MYO16: variants seen among roughly 807,000 people sequenced by gnomAD.
MYO16 encodes the protein unconventional myosin-XVI.
A neutral mutation model predicts 205.3 loss-of-function variants in MYO16; 94 were observed. The observed-to-expected ratio is 0.46, with a 90% CI of 0.39 to 0.54. The LOEUF (loss-of-function observed/expected upper bound fraction) is 0.54, where lower values mean the gene tolerates loss of function less well. Among genes scored for constraint, MYO16 ranks in the 20% least tolerant of loss-of-function variants. The pLI is 0.00. For missense variants in MYO16, 2,315 were observed against 2,387.5 expected (o/e 0.97, Z 0.63); for synonymous variants, 988 against 954.0 (o/e 1.04, Z -0.66).
intron 31 of MYO16, among the ~76,000 whole-genome samples, chr13:109,132,076 G>A (rs1489981295): frequency 1.3e-5 from 2 of 152,142 alleles, no homozygotes; most frequent in Non-Finnish European, 2.9e-5. Context: ...TGTTAATGAA[G>A]CCTCTGACAG....
chr13:109,136,747 T>C (rs1173522266), intron 31 of MYO16, among the ~76,000 whole-genome samples: 1 of 152,220 alleles, frequency 6.6e-6, no homozygotes, highest in Non-Finnish European at 1.5e-5. Context: ...AGAGCTTTCT[T>C]GAGGCCACCA....
At chr13:108,694,968 C>T (rs1344684012) in intron 2 of MYO16, among the ~76,000 whole-genome samples, 4 of 151,952 alleles carry the variant, frequency 2.6e-5, no homozygotes, top group Admixed American at 6.6e-5. Context: ...CAAAATTAGC[C>T]GGGTGTGGTG....
intron 16 of MYO16, among the ~76,000 whole-genome samples, chr13:108,917,436 C>T (rs186575354): frequency 1.3e-4 from 20 of 152,322 alleles, no homozygotes; most frequent in African/African-American, 3.4e-4. Context: ...ACTCCCAGCC[C>T]GGCAGGTGAA....
At chr13:108,974,302 C>T (rs1428745005) in intron 20 of MYO16, among the ~76,000 whole-genome samples, 1 of 152,082 alleles carries the variant, frequency 6.6e-6, no homozygotes, top group Non-Finnish European at 1.5e-5. Context: ...TCAGGTAGCA[C>T]TTAATATACT....
chr13:109,151,064 G>A (rs1451457009), intron 32 of MYO16, among the ~76,000 whole-genome samples: 1 of 152,228 alleles, frequency 6.6e-6, no homozygotes, highest in Non-Finnish European at 1.5e-5. Context: ...CTCCTGAAGA[G>A]TATTGGAAGA....
At chr13:109,179,477 CATGACTTACTTT>C (rs1298609184) in intron 33 of MYO16, 53 bp from the exon 34 acceptor site, 1 of 975,450 alleles carries the variant, frequency 1.0e-6, no homozygotes, top group East Asian at 2.4e-5. Flanking sequence ...GTAATGAGTG[CATGACTTACTTT>C]ATTTGGAACA....
the MYO16 span, among the ~76,000 whole-genome samples, chr13:108,572,480 G>A: frequency 2.0e-5 from 3 of 152,150 alleles, no homozygotes; most frequent in African/African-American, 7.2e-5. Flanking sequence ...ATCTGCTCCA[G>A]CCTTCCCAAC....
intron 27 of MYO16, among the ~76,000 whole-genome samples, chr13:109,065,923 A>G (rs1887734770): frequency 6.6e-6 from 1 of 152,186 alleles, no homozygotes; most frequent in Non-Finnish European, 1.5e-5. Flanking sequence ...GAAAAGACAG[A>G]AGGACTTGTC....
the MYO16 span, among the ~76,000 whole-genome samples, chr13:108,528,576 C>T: frequency 8.9e-6 from 1 of 111,996 alleles, no homozygotes; most frequent in Non-Finnish European, 1.8e-5. Flanking sequence ...CCTCTCCCCT[C>T]CCCTCCCCTT....
intron 22 of MYO16, among the ~76,000 whole-genome samples, chr13:109,009,989 C>T (rs975484269): frequency 3.9e-5 from 6 of 152,204 alleles, no homozygotes; most frequent in African/African-American, 1.4e-4. Flanking sequence ...TTCTCTCTAG[C>T]TTGCCATGTT....
intron 3 of MYO16, among the ~76,000 whole-genome samples, chr13:108,725,009 T>G (rs891757090): frequency 6.6e-6 from 1 of 152,192 alleles, no homozygotes. Context: ...CATTTTTCTT[T>G]CCTTGTCATA....
chr13:108,644,245 T>C (rs1161210140), intron 1 of MYO16, among the ~76,000 whole-genome samples: 2 of 152,198 alleles, frequency 1.3e-5, no homozygotes, highest in Admixed American at 6.5e-5. Flanking sequence ...AGTGTCACTT[T>C]TGATGTCTTC....
intron 24 of MYO16, among the ~76,000 whole-genome samples, chr13:109,051,728 T>C (rs1365035611): frequency 1.3e-5 from 2 of 152,196 alleles, no homozygotes; most frequent in Non-Finnish European, 2.9e-5. Flanking sequence ...TCATTTTGCT[T>C]TTACCTTTTC....
intron 28 of MYO16, among the ~76,000 whole-genome samples, chr13:109,110,173 A>C (rs1297276218): frequency 6.6e-6 from 1 of 152,214 alleles, no homozygotes; most frequent in East Asian, 1.9e-4. Context: ...GTGTGCTCTG[A>C]CTGAATATAT....
chr13:108,586,180 G>C, the MYO16 span, among the ~76,000 whole-genome samples: 1 of 151,804 alleles, frequency 6.6e-6, no homozygotes, highest in African/African-American at 2.4e-5. Context: ...GATAAAAAAA[G>C]AAGAGATCAT....
chr13:108,620,150 C>T (rs1327307506), intron 1 of MYO16, among the ~76,000 whole-genome samples: 1 of 152,032 alleles, frequency 6.6e-6, no homozygotes, highest in African/African-American at 2.4e-5. Flanking sequence ...TGAATCGATG[C>T]CTATGAAGAT....
chr13:108,972,350 CCATA>C (rs1884072220), intron 20 of MYO16, among the ~76,000 whole-genome samples: 1 of 1,062 alleles, frequency 9.4e-4, no homozygotes, highest in Non-Finnish European at 2.0e-3. Flanking sequence ...ATATATATAG[CCATA>C]TATATATATA....
rs112903985 is a variant in MYO16, at chr13:109,020,536, A to G, written c.2796+625A>G. On this transcript the variant is annotated intron_variant, in intron 23 of 34. Transcript: ENST00000457511. ...ATCTCTGTTCAGGTTATTTTTCTCAACCACTCAGTGTTTCTGCATTTTCAG... is the reference window on the plus strand; with the variant it reads ...ATCTCTGTTCAGGTTATTTTTCTCAGCCACTCAGTGTTTCTGCATTTTCAG... Among the ~76,000 whole-genome samples the G allele has an allele frequency of 4.5e-3, 684 of 152,230 alleles. 5 individuals are homozygous for G. The highest frequency in any genetic ancestry group is 0.016 in the African/African-American group (654 of 41,528).
the MYO16 span, among the ~76,000 whole-genome samples, chr13:108,534,394 C>T: frequency 6.6e-6 from 1 of 152,134 alleles, no homozygotes; most frequent in East Asian, 1.9e-4. Context: ...CAGAAGAAAC[C>T]CAGTGCTCAG....
Sources: gnomAD v4.1 joint callset for allele counts (sites outside exome capture counted in the v4.1 genomes callset) on GRCh38, gnomAD v4.1.1 for gene constraint, MANE v1.5 for transcripts, NCBI Gene and HGNC (gene_info 2026-07-23, HGNC 2026-07-21) for gene names.